The following HHLA2 variants were observed in gnomAD, a reference collection of about 807,000 sequenced individuals.
HHLA2 encodes HERV-H LTR-associating protein 2.
In HHLA2, 48 loss-of-function variants were observed where a neutral mutation model predicts 45.9. The ratio of observed to expected loss-of-function variants is 1.05; its 90% CI spans 0.83 to 1.33. The LOEUF is 1.33. HHLA2 is among the 40% of genes most tolerant of loss of function. The pLI, the probability that HHLA2 is intolerant of heterozygous loss-of-function variation, is 0.00. For missense variants in HHLA2, 462 were observed against 494.3 expected, an observed-to-expected ratio of 0.93 and a Z score of 0.62; for synonymous variants, 161 against 173.9, an observed-to-expected ratio of 0.93 and a Z score of 0.59.
chr3:108,313,132 C>T (rs1185751309), intron 2 of HHLA2, among the ~76,000 whole-genome samples: 2 of 152,098 alleles, frequency 1.3e-5, no homozygotes, highest in Non-Finnish European at 2.9e-5. Context: ...GTATCAATAC[C>T]TGTGGGGTAG....
At chr3:108,318,761 A>G (rs2107336808) in intron 2 of HHLA2, among the ~76,000 whole-genome samples, 1 of 152,316 alleles carries the variant, frequency 6.6e-6, no homozygotes, top group South Asian at 2.1e-4. Flanking sequence ...TCTTTAAGCT[A>G]TAAGTTGTGT....
At chr3:108,371,475 A>C (rs2082170701) in intron 8 of HHLA2, among the ~76,000 whole-genome samples, 1 of 152,334 alleles carries the variant, frequency 6.6e-6, no homozygotes, top group East Asian at 1.9e-4. Context: ...ACATATAACA[A>C]TATTAACCTT....
chr3:108,329,850 A>T (rs1266173576), intron 3 of HHLA2, among the ~76,000 whole-genome samples: 3 of 152,116 alleles, frequency 2.0e-5, no homozygotes, highest in Non-Finnish European at 4.4e-5. Context: ...ATAACATATT[A>T]CTCTAAAAAT....
intron 6 of HHLA2, among the ~76,000 whole-genome samples, chr3:108,357,183 A>G (rs2081909186): frequency 1.3e-5 from 2 of 152,162 alleles, no homozygotes; most frequent in South Asian, 4.1e-4. Flanking sequence ...GGTAGACTGG[A>G]AGCCAGGTGA....
chr3:108,376,722 CT>C (rs1369119236), intron 10 of HHLA2, 165 bp downstream of exon 9: 2 of 542,018 alleles, frequency 3.7e-6, no homozygotes, highest in African/African-American at 1.9e-5. Context: ...TATAATTAGG[CT>C]TTTCCCAATG....
chr3:108,330,108 C>G (rs2966575), intron 3 of HHLA2, among the ~76,000 whole-genome samples: 2,296 of 152,230 alleles, frequency 0.015, 44 homozygotes, highest in African/African-American at 0.052. Context: ...AGCAGCTGAT[C>G]TCTTCAAGAG....
At chr3:108,347,692 A>G (rs2081692449) in intron 3 of HHLA2, among the ~76,000 whole-genome samples, 1 of 152,204 alleles carries the variant, frequency 6.6e-6, no homozygotes, top group Admixed American at 6.5e-5. Context: ...GTAGATATCC[A>G]GGTAAGAAGG....
intron 8 of HHLA2, among the ~76,000 whole-genome samples, chr3:108,375,242 C>T (rs36169815): frequency 0.16 from 24,808 of 150,724 alleles, 2,658 homozygotes; most frequent in Non-Finnish European, 0.24. Flanking sequence ...AAAAACCAAA[C>T]ACGGCATATT....
chr3:108,369,089 A>G (rs1414064193), intron 8 of HHLA2, among the ~76,000 whole-genome samples: 3 of 152,240 alleles, frequency 2.0e-5, no homozygotes, highest in Admixed American at 6.5e-5. Context: ...CCACACAACT[A>G]CAAGGACACT....
intron 8 of HHLA2, among the ~76,000 whole-genome samples, chr3:108,368,493 A>C (rs112010894): frequency 6.1e-4 from 90 of 146,394 alleles, no homozygotes; most frequent in African/African-American, 2.2e-3. Flanking sequence ...ACATAGGCTC[A>C]AAATAAAGGG....
At chr3:108,373,197 C>G (rs2082210986) in intron 8 of HHLA2, among the ~76,000 whole-genome samples, 1 of 152,094 alleles carries the variant, frequency 6.6e-6, no homozygotes, top group Non-Finnish European at 1.5e-5. Context: ...TAAACGTAAT[C>G]CAGCATATAA....
At chr3:108,331,965 G>A (rs1186166090) in intron 3 of HHLA2, among the ~76,000 whole-genome samples, 7 of 152,090 alleles carry the variant, frequency 4.6e-5, no homozygotes. Flanking sequence ...CAAGCAAGAT[G>A]GAGAGGAATC....
chr3:108,370,845 G>A (rs1045726031), intron 8 of HHLA2, among the ~76,000 whole-genome samples: 23 of 152,310 alleles, frequency 1.5e-4, no homozygotes, highest in South Asian at 6.2e-4. Context: ...CTAAATCTAC[G>A]TCTGATTGGT....
chr3:108,342,918 T>C (rs1255648567), intron 3 of HHLA2, among the ~76,000 whole-genome samples: 2 of 152,122 alleles, frequency 1.3e-5, no homozygotes, highest in African/African-American at 2.4e-5. Flanking sequence ...CCACAGCACC[T>C]GGTGGGAGCC....
exon 5 of HHLA2, chr3:108,353,644 T>C (rs772333265): frequency 6.2e-7 from 1 of 1,613,716 alleles, no homozygotes; most frequent in South Asian, 1.1e-5. Context: ...GGACATCCCT[T>C]TTCTATAATG....
intron 8 of HHLA2, among the ~76,000 whole-genome samples, chr3:108,374,011 G>T (rs966160040): frequency 6.7e-6 from 1 of 149,948 alleles, no homozygotes; most frequent in Admixed American, 6.6e-5. Flanking sequence ...AAAAGAGCCC[G>T]CATTGCCAAG....
chr3:108,343,499 T>C (rs1460668252), intron 3 of HHLA2, among the ~76,000 whole-genome samples: 1 of 152,330 alleles, frequency 6.6e-6, no homozygotes, highest in South Asian at 2.1e-4. Context: ...TGCAAGTACT[T>C]GATAGAAAGC....
chr3:108,314,126 G>A (rs943524974), intron 2 of HHLA2, among the ~76,000 whole-genome samples: 2 of 151,972 alleles, frequency 1.3e-5, no homozygotes, highest in Non-Finnish European at 2.9e-5. Flanking sequence ...AGTTCAGATT[G>A]ATTTTTTTTT....
intron 3 of HHLA2, among the ~76,000 whole-genome samples, chr3:108,332,616 AG>A: frequency 1.3e-5 from 2 of 152,322 alleles, no homozygotes; most frequent in South Asian, 4.1e-4. Context: ...ATTCATTTGC[AG>A]GCTCTGATAG....
Sources: allele counts gnomAD v4.1 joint callset (sites outside exome capture counted in the v4.1 genomes callset), GRCh38; gene constraint gnomAD v4.1.1; transcripts MANE v1.5; gene names NCBI Gene and HGNC (gene_info 2026-07-23, HGNC 2026-07-21).